CHN1: variants seen among roughly 807,000 people sequenced by gnomAD.
CHN1 encodes the protein N-chimaerin.
CHN1 carries 37 observed loss-of-function variants against 59.5 expected under a neutral mutation model. The ratio of observed to expected loss-of-function variants is 0.62; its 90% CI spans 0.48 to 0.82. The LOEUF (loss-of-function observed/expected upper bound fraction) is 0.82. Among genes scored for constraint, CHN1 ranks in the 40% least tolerant of loss-of-function variants. The pLI is 0.00. For synonymous variants in CHN1, 206 were observed against 200.4 expected, an observed-to-expected ratio of 1.03 and a Z score of -0.24; for missense variants, 469 against 571.0, an observed-to-expected ratio of 0.82 and a Z score of 1.82.
intron 5 of CHN1, among the ~76,000 whole-genome samples, chr2:174,903,793 A>G (rs1209500163): frequency 6.6e-6 from 1 of 152,176 alleles, no homozygotes. Flanking sequence ...TTAAACTTCA[A>G]ATGCACTTAA....
intron 1 of CHN1, among the ~76,000 whole-genome samples, chr2:174,958,041 T>C (rs1049139999): frequency 6.6e-6 from 1 of 151,858 alleles, no homozygotes; most frequent in Non-Finnish European, 1.5e-5. Flanking sequence ...GACATAACTG[T>C]AATCCCAGCT....
chr2:174,960,715 G>C (rs548213821), intron 1 of CHN1, among the ~76,000 whole-genome samples: 1 of 152,040 alleles, frequency 6.6e-6, no homozygotes, highest in Non-Finnish European at 1.5e-5. Flanking sequence ...CCAGCTACTC[G>C]GGAGGCTGAG....
intron 5 of CHN1, among the ~76,000 whole-genome samples, chr2:174,910,792 C>T (rs371601728): frequency 1.4e-4 from 21 of 149,528 alleles, no homozygotes; most frequent in East Asian, 1.0e-3. Flanking sequence ...CCCAGCTACT[C>T]GGGAGGCTGA....
Position 174,962,201 on chromosome 2 carries a change from C to T in CHN1, c.20-9999G>A, listed in dbSNP as rs534197009. 3.9e-5 allele frequency among the ~76,000 whole-genome samples: 6 copies of T among 152,148 alleles called. No homozygotes were observed. The South Asian group carries it at 1.2e-3, about 32-fold the overall frequency. On this transcript the variant is annotated intron_variant, in intron 1 of 12. Coordinates refer to ENST00000409900, the MANE Select transcript of CHN1 (RefSeq NM_001822.7). ...TCAGGAGGCTGAGGCAGGAGAATCG[C>T]TTGAACCTGGGAGGCGGAGGTTGCA...
chr2:174,816,282 G>A (rs576265955), intron 8 of CHN1, among the ~76,000 whole-genome samples: 45 of 152,312 alleles, frequency 3.0e-4, no homozygotes, highest in African/African-American at 1.1e-3. Context: ...ACCAGTTTCT[G>A]CAAGGCAGGA....
At chr2:174,923,818 C>A (rs951997175) in intron 3 of CHN1, among the ~76,000 whole-genome samples, 1 of 152,120 alleles carries the variant, frequency 6.6e-6, no homozygotes, top group Non-Finnish European at 1.5e-5. Context: ...TGATTATGGT[C>A]TTACATTACT....
At chr2:174,839,211 TTATTCTCAATG>T (rs1158797139) in intron 7 of CHN1, among the ~76,000 whole-genome samples, 1 of 152,198 alleles carries the variant, frequency 6.6e-6, no homozygotes, top group Admixed American at 6.5e-5. Flanking sequence ...CAGAGAGATT[TTATTCTCAATG>T]TATTCTTATA....
chr2:174,800,536 G>C (rs534479802), intron 12 of CHN1, among the ~76,000 whole-genome samples: 39 of 152,320 alleles, frequency 2.6e-4, no homozygotes, highest in African/African-American at 8.9e-4. Flanking sequence ...TATGGATTCA[G>C]TTCTATCTAT....
chr2:174,877,812 G>C, intron 6 of CHN1, 28 bp downstream of exon 6: 2 of 1,590,044 alleles, frequency 1.3e-6, no homozygotes, highest in South Asian at 1.2e-5. Context: ...AACAGAAAAA[G>C]ATAAAGTGTG....
intron 8 of CHN1, among the ~76,000 whole-genome samples, chr2:174,813,152 CATATT>C (rs1342920283): frequency 1.3e-5 from 2 of 152,156 alleles, no homozygotes. Context: ...TTTTTTCCCT[CATATT>C]ATATCTGAGA....
chr2:175,001,208 G>A lies in CHN1; in HGVS notation c.19+3686C>T, dbSNP rs569053315. Among the ~76,000 whole-genome samples, 8 of 152,232 alleles carry A rather than the reference G, an allele frequency of 5.3e-5. No individual in the cohort carries two copies. The South Asian group carries it at 8.3e-4, about 16-fold the overall frequency. On this transcript the variant is annotated intron_variant, in intron 1 of 12. Transcript: ENST00000409900. ...AAAGGCAGATGAGCTCACACCACTG[G>A]GCCAGCCTCTTGTATTCTTTGGACA...
At chr2:174,990,398 G>C (rs1196887728) in intron 1 of CHN1, among the ~76,000 whole-genome samples, 1 of 151,918 alleles carries the variant, frequency 6.6e-6, no homozygotes, top group Non-Finnish European at 1.5e-5. Flanking sequence ...GAAAGCAAGA[G>C]CTCCTCTGTC....
At chr2:174,895,414 T>C (rs1688190190) in intron 5 of CHN1, among the ~76,000 whole-genome samples, 1 of 151,948 alleles carries the variant, frequency 6.6e-6, no homozygotes, top group Non-Finnish European at 1.5e-5. Flanking sequence ...GTGGCTGCTA[T>C]GGGGTAGGAG....
intron 2 of CHN1, 154 bp from the exon 3 acceptor site, chr2:174,945,097 C>CA: frequency 1.8e-6 from 1 of 571,182 alleles, no homozygotes; most frequent in Non-Finnish European, 3.2e-6. Context: ...AAAAAGTAAA[C>CA]AAAACTACAT....
At chr2:174,834,979 G>A (rs778156213) in intron 7 of CHN1, among the ~76,000 whole-genome samples, 30 of 152,172 alleles carry the variant, frequency 2.0e-4, no homozygotes, top group Non-Finnish European at 1.5e-4. Context: ...TGTACATTAC[G>A]TGTGGGATGA....
chr2:174,812,214 G>A (rs1271775652), intron 9 of CHN1, 95 bp downstream of exon 9: 1 of 969,214 alleles, frequency 1.0e-6, no homozygotes, highest in African/African-American at 1.6e-5. Context: ...AATTACAGAA[G>A]ACAACCGTAT....
In CHN1 at chr2:174,937,699, C is replaced by T. The variant is rs146170193; in HGVS notation, c.114+7189G>A. On this transcript the variant is annotated intron_variant, in intron 3 of 12. Transcript: ENST00000409900. Reference sequence around the variant, plus strand: ...ACAGGAGCGGATCCTTCATGAATATCTCGGTGCCCTTCCCACAGTAATGAG... The same window carrying T: ...ACAGGAGCGGATCCTTCATGAATATTTCGGTGCCCTTCCCACAGTAATGAG... Among the ~76,000 whole-genome samples, 1,274 of 152,054 alleles carry T rather than the reference C, an allele frequency of 8.4e-3. 7 individuals are homozygous for T. The highest frequency in any genetic ancestry group is 0.021 in the South Asian group (99 of 4,804).
At chr2:174,871,547 C>T (rs1422600895) in intron 6 of CHN1, among the ~76,000 whole-genome samples, 1 of 152,060 alleles carries the variant, frequency 6.6e-6, no homozygotes, top group African/African-American at 2.4e-5. Context: ...AGCCTTGAAA[C>T]TGCGGTGGAA....
intron 5 of CHN1, among the ~76,000 whole-genome samples, chr2:174,893,341 A>G (rs886828259): frequency 1.3e-5 from 2 of 152,216 alleles, no homozygotes; most frequent in African/African-American, 4.8e-5. Flanking sequence ...ACAATCCGAA[A>G]GGGTAACTAA....
Sources: allele counts gnomAD v4.1 joint callset (sites outside exome capture counted in the v4.1 genomes callset), GRCh38; gene constraint gnomAD v4.1.1; transcripts MANE v1.5; gene names NCBI Gene and HGNC (gene_info 2026-07-23, HGNC 2026-07-21).